The following BANK1 variants were observed in gnomAD, a reference collection of about 807,000 sequenced individuals.
BANK1 encodes the protein B-cell scaffold protein with ankyrin repeats.
A neutral mutation model predicts 94.5 loss-of-function variants in BANK1; 95 were observed. That is an observed-to-expected ratio of 1.00 (90% CI 0.85 to 1.19). BANK1 has a LOEUF of 1.19. Ranked by LOEUF, BANK1 falls within the 50% of genes most tolerant of loss-of-function variation. The pLI, the probability that BANK1 is intolerant of heterozygous loss-of-function variation, is 0.00. For synonymous variants in BANK1, 334 were observed against 308.4 expected (o/e 1.08, Z -0.87); for missense variants, 987 against 932.2 (o/e 1.06, Z -0.77).
intron 2 of BANK1, among the ~76,000 whole-genome samples, chr4:101,845,269 T>G (rs1727201052): frequency 6.6e-6 from 1 of 152,234 alleles, no homozygotes; most frequent in South Asian, 2.1e-4. Flanking sequence ...TTAAAAAAGA[T>G]ACTACATCAC....
chr4:102,041,866 TATC>T (rs1727714305), intron 10 of BANK1, among the ~76,000 whole-genome samples: 1 of 152,046 alleles, frequency 6.6e-6, no homozygotes, highest in Admixed American at 6.6e-5. Flanking sequence ...GAGCATTTGT[TATC>T]AGCAAAAAGG....
At chr4:101,798,058 AG>A (rs1725219427) in intron 1 of BANK1, among the ~76,000 whole-genome samples, 1 of 152,208 alleles carries the variant, frequency 6.6e-6, no homozygotes, top group African/African-American at 2.4e-5. Context: ...AGAATGTTTC[AG>A]GAAGGTAAGA....
At chr4:101,808,504 A>G (rs1725635066) in intron 1 of BANK1, among the ~76,000 whole-genome samples, 1 of 152,194 alleles carries the variant, frequency 6.6e-6, no homozygotes. Flanking sequence ...TTTAATGATC[A>G]CCATTAGGTT....
chr4:101,829,363 T>G (rs576613939), intron 1 of BANK1, among the ~76,000 whole-genome samples: 9 of 152,262 alleles, frequency 5.9e-5, no homozygotes, highest in African/African-American at 2.2e-4. Context: ...TGTTTTTGAC[T>G]CTCAACTAAA....
Position 102,072,345 on chromosome 4 carries a change from G to T in BANK1, c.2243G>T (p.Gly748Val). The T allele has an allele frequency of 6.3e-7, 1 of 1,584,876 alleles. No individual in the cohort carries two copies. Among genetic ancestry groups the T allele is most frequent in the Non-Finnish European group, 8.7e-7 (1 of 1,154,756 alleles). The change falls in exon 15 of 17, where the codon GGT (glycine) becomes GTT (valine). Residue 748 changes from glycine (G) to valine (V), a missense_variant and splice_region_variant. By Grantham distance (109) the Gly-to-Val change is moderately radical. Coordinates refer to ENST00000322953, the MANE Select transcript of BANK1 (RefSeq NM_017935.5). ...GTAATAACTGAGTTTGTATTTCTAG[G>T]TAAGGAAACTGCCCACAATGAAAAT... Reference protein sequence around the residue: ...NKLTIVHHPGGKETAHNENKF... With the variant: ...NKLTIVHHPGVKETAHNENKF...
chr4:101,851,393 A>G (rs990053777), intron 2 of BANK1, among the ~76,000 whole-genome samples: 20 of 152,196 alleles, frequency 1.3e-4, no homozygotes, highest in African/African-American at 4.8e-4. Context: ...TGATTATTAA[A>G]CCAGGCAACA....
In BANK1 at chr4:101,986,833, GTATATATA is replaced by G. The variant is rs1422267398; in HGVS notation, c.1207-34679_1207-34672del. 2.1e-3 allele frequency among the ~76,000 whole-genome samples: 204 copies of G among 98,468 alleles called. 5 individuals carry two copies. The East Asian group carries it at 0.031, about 15-fold the overall frequency. 64.6% of individuals were successfully genotyped at this position (98,468 alleles called of 152,430 possible). A position where few individuals can be genotyped will look rare whatever the true frequency, so the allele number is the denominator to read the frequency against. ...TATGTATATATATGTGTATATATAT[GTATATATA>G]TGTGTATATATATGTATATATATAT... On this transcript the variant is annotated intron_variant, in intron 7 of 16. Transcript: ENST00000322953.
rs559287954 is a variant in BANK1 at position 101,818,850 on chromosome 4, A to G, written c.71-10958A>G. Among the ~76,000 whole-genome samples the G allele has an allele frequency of 1.4e-4, 21 of 150,474 alleles. No homozygotes were observed. The South Asian group carries it at 4.2e-3, about 30-fold the overall frequency. On this transcript the variant is annotated intron_variant, in intron 1 of 16. Transcript: ENST00000322953. ...CTGGGGGTCTTGGAAGGTATTCTCC[A>G]CGAATAAAGAAAGATTACTGTATTT...
intron 7 of BANK1, among the ~76,000 whole-genome samples, chr4:101,960,643 G>A (rs1724533835): frequency 6.6e-6 from 1 of 152,096 alleles, no homozygotes; most frequent in Non-Finnish European, 1.5e-5. Context: ...ATGGTTAGTG[G>A]CATCTGTCTT....
intron 7 of BANK1, among the ~76,000 whole-genome samples, chr4:101,970,995 T>C (rs1251259223): frequency 6.6e-6 from 1 of 152,110 alleles, no homozygotes; most frequent in African/African-American, 2.4e-5. Context: ...GCTTCACAGA[T>C]GTGCTGCCAA....
Position 102,074,375 on chromosome 4 carries a change from C to T in BANK1, c.*376C>T, listed in dbSNP as rs1303189967. 2 of 152,000 alleles carry T rather than the reference C, an allele frequency of 1.3e-5. No individual in the cohort carries two copies. Among genetic ancestry groups the T allele is most frequent in the Non-Finnish European group, 2.9e-5 (2 of 67,908 alleles). 9.4% of individuals were successfully genotyped at this position (152,000 alleles called of 1,614,324 possible). ...GGGCACTAACCTCAACAGATTATTC[C>T]TCCTCTCCTTAGAATAACCATGAAA... On this transcript the variant is annotated 3_prime_UTR_variant, in exon 17 of 17. Transcript: ENST00000322953.
intron 1 of BANK1, among the ~76,000 whole-genome samples, chr4:101,820,232 C>G (rs926753413): frequency 1.1e-4 from 16 of 152,110 alleles, no homozygotes; most frequent in Non-Finnish European, 1.5e-5. Flanking sequence ...GTCTAATAAC[C>G]CTTAAAATTC....
intron 9 of BANK1, 105 bp from the exon 10 acceptor site, chr4:102,029,855 G>C: frequency 9.7e-7 from 1 of 1,028,592 alleles, no homozygotes; most frequent in South Asian, 1.6e-5. Context: ...GTTTCCTACG[G>C]CACTTGACTA....
intron 3 of BANK1, among the ~76,000 whole-genome samples, chr4:101,859,286 A>G (rs1727786578): frequency 6.6e-6 from 1 of 152,232 alleles, no homozygotes; most frequent in African/African-American, 2.4e-5. Flanking sequence ...TTTCTTTTAA[A>G]TAGGTGGTTA....
rs763064565 is a variant in BANK1 at position 101,918,125 on chromosome 4, A to C, written c.1142A>C (p.Asp381Ala). ...AAGATGAAAAATATGGAGGGTTCAG[A>C]CCCCGCACATATTGCTGAAAGGCAT... ...ASKMKNMEGS[D>A]PAHIAERHGH... Residue 381 changes from aspartate (D) to alanine (A), a missense_variant, in exon 7 of 17, where the codon GAC (aspartate) becomes GCC (alanine). Transcript: ENST00000322953. 3.7e-6 allele frequency: 6 copies of C among 1,610,198 alleles called. No homozygotes were observed. Among genetic ancestry groups the C allele is most frequent in the Non-Finnish European group, 5.1e-6 (6 of 1,177,592 alleles).
At chr4:101,939,989 A>T (rs932568120) in intron 7 of BANK1, among the ~76,000 whole-genome samples, 1 of 151,772 alleles carries the variant, frequency 6.6e-6, no homozygotes, top group African/African-American at 2.4e-5. Flanking sequence ...GAGCAAATTC[A>T]TCTCCTAGCT....
chr4:101,818,178 G>C lies in BANK1; in HGVS notation c.71-11630G>C, dbSNP rs1031499709. On this transcript the variant is annotated intron_variant, in intron 1 of 16. Coordinates refer to ENST00000322953, the MANE Select transcript of BANK1 (RefSeq NM_017935.5). Reference sequence around the variant, plus strand: ...TTATACAGATGTTATTATGACATGGGGCATAGCCTTGAGGTAAGTCAGGGA... The same window carrying C: ...TTATACAGATGTTATTATGACATGGCGCATAGCCTTGAGGTAAGTCAGGGA... 2.6e-5 allele frequency among the ~76,000 whole-genome samples: 4 copies of C among 152,100 alleles called. No individual in the cohort carries two copies. The South Asian group carries it at 6.2e-4, about 24-fold the overall frequency.
At position 101,984,871 on chromosome 4, in the gene BANK1, G is replaced by A. The variant is rs915736783; in HGVS notation, c.1207-36643G>A. 2.5e-4 allele frequency among the ~76,000 whole-genome samples: 38 copies of A among 152,006 alleles called. 1 individual carries two copies. Among genetic ancestry groups the A allele is most frequent in the Admixed American group, 1.3e-4 (2 of 15,208 alleles). On this transcript the variant is annotated intron_variant, in intron 7 of 16. Coordinates refer to ENST00000322953, the MANE Select transcript of BANK1 (RefSeq NM_017935.5). ...TCTGAGATAATGTAATCACGAATGC[G>A]ACCTGAAGTGACAACTACTAGGAAA...
chr4:102,049,135 C>A (rs1017291549), intron 11 of BANK1, among the ~76,000 whole-genome samples: 4 of 152,162 alleles, frequency 2.6e-5, no homozygotes, highest in Non-Finnish European at 5.9e-5. Context: ...CAATTCCAAT[C>A]ATTAAACCTA....
Sources: allele counts gnomAD v4.1 joint callset (sites outside exome capture counted in the v4.1 genomes callset), GRCh38; gene constraint gnomAD v4.1.1; transcripts MANE v1.5; gene names NCBI Gene and HGNC (gene_info 2026-07-23, HGNC 2026-07-21).